The following ITPRID1 variants were observed in gnomAD, a reference collection of about 807,000 sequenced individuals.
ITPRID1 encodes the protein ITPR interacting domain containing 1, also known as protein ITPRID1.
A neutral mutation model predicts 95.4 loss-of-function variants in ITPRID1; 96 were observed. The observed-to-expected ratio is 1.01, with a 90% CI of 0.85 to 1.19. The LOEUF (loss-of-function observed/expected upper bound fraction) is 1.19, where lower values mean the gene tolerates loss of function less well. ITPRID1 is among the 50% of genes most tolerant of loss of function. ITPRID1 has a pLI of 0.00. For missense variants in ITPRID1, 1,339 were observed against 1,252.9 expected (o/e 1.07, Z -1.04); for synonymous variants, 510 against 453.6 (o/e 1.12, Z -1.58).
intron 9 of ITPRID1, 123 bp from the exon 10 acceptor site, chr7:31,583,011 A>T (rs896281253): frequency 6.6e-6 from 4 of 609,770 alleles, no homozygotes; most frequent in African/African-American, 5.6e-5. Context: ...ATTGCAAGTT[A>T]TTTGAGTTCA....
chr7:31,575,723 A>G (rs1785158096), intron 8 of ITPRID1, among the ~76,000 whole-genome samples: 2 of 152,190 alleles, frequency 1.3e-5, no homozygotes, highest in South Asian at 4.1e-4. Flanking sequence ...TCTCAAATAA[A>G]TTCTTTTAAA....
intron 10 of ITPRID1, among the ~76,000 whole-genome samples, chr7:31,608,737 T>A (rs1223650684): frequency 6.6e-6 from 1 of 151,782 alleles, no homozygotes; most frequent in Non-Finnish European, 1.5e-5. Context: ...AATTCATTTA[T>A]TAGTTCTAAT....
intron 10 of ITPRID1, among the ~76,000 whole-genome samples, chr7:31,635,169 G>C (rs1789364105): frequency 6.6e-6 from 1 of 152,160 alleles, no homozygotes. Context: ...TTCTGAGCTA[G>C]GTGATTTCTC....
At chr7:31,624,019 C>T (rs1583625552) in intron 10 of ITPRID1, among the ~76,000 whole-genome samples, 3 of 149,492 alleles carry the variant, frequency 2.0e-5, no homozygotes, top group South Asian at 4.4e-4. Flanking sequence ...CTCCCATTCA[C>T]AATTGCTTCA....
chr7:31,599,612 T>C (rs1327578633), intron 10 of ITPRID1, among the ~76,000 whole-genome samples: 3 of 55,570 alleles, frequency 5.4e-5, no homozygotes, highest in African/African-American at 1.5e-4. Flanking sequence ...TTTCTTTCTT[T>C]CTTTCTTTCT....
chr7:31,514,463 T>C (rs927274006), intron 1 of ITPRID1, among the ~76,000 whole-genome samples: 3 of 152,266 alleles, frequency 2.0e-5, no homozygotes, highest in Middle Eastern at 3.4e-3. Flanking sequence ...GGCCATTTCC[T>C]GGATGGGGGC....
chr7:31,652,236 A>G (rs1209911020), intron 14 of ITPRID1, among the ~76,000 whole-genome samples, 186 bp downstream of exon 14: 1 of 152,212 alleles, frequency 6.6e-6, no homozygotes, highest in Non-Finnish European at 1.5e-5. Flanking sequence ...GTGATTCTGT[A>G]TCAGAATTCA....
At chr7:31,535,510 G>T (rs918667109) in intron 1 of ITPRID1, among the ~76,000 whole-genome samples, 3 of 151,840 alleles carry the variant, frequency 2.0e-5, no homozygotes, top group Non-Finnish European at 2.9e-5. Flanking sequence ...GTGTGTGTGG[G>T]TATATTCCTA....
chr7:31,617,113 G>A (rs969190305), intron 10 of ITPRID1, among the ~76,000 whole-genome samples: 46 of 152,148 alleles, frequency 3.0e-4, no homozygotes, highest in African/African-American at 8.7e-4. Context: ...GGGTGAGCTC[G>A]TCCCGGTATA....
intron 1 of ITPRID1, among the ~76,000 whole-genome samples, chr7:31,523,220 G>A (rs1783322753): frequency 6.6e-6 from 1 of 152,176 alleles, no homozygotes. Flanking sequence ...GCAGACAAAA[G>A]CATTCTAGTC....
intron 10 of ITPRID1, among the ~76,000 whole-genome samples, chr7:31,619,719 C>T (rs1272768498): frequency 2.0e-5 from 3 of 152,056 alleles, no homozygotes; most frequent in South Asian, 2.1e-4. Flanking sequence ...TCTGAGGTAC[C>T]AGTTCCATCT....
intron 5 of ITPRID1, among the ~76,000 whole-genome samples, chr7:31,562,950 C>T (rs1666249532): frequency 6.6e-6 from 1 of 152,116 alleles, no homozygotes; most frequent in African/African-American, 2.4e-5. Context: ...TGGGTTCTAC[C>T]CATGTGGCTC....
chr7:31,517,655 G>C (rs1206591611), intron 1 of ITPRID1: 2 of 152,728 alleles, frequency 1.3e-5, no homozygotes, highest in African/African-American at 4.8e-5. Context: ...CGGCCAGCGA[G>C]GTCCGTGCGC....
chr7:31,619,811 T>A (rs1410293431), intron 10 of ITPRID1, among the ~76,000 whole-genome samples: 2 of 152,136 alleles, frequency 1.3e-5, no homozygotes, highest in Non-Finnish European at 2.9e-5. Flanking sequence ...AGGCATTGCC[T>A]CCCTCGGGAA....
At chr7:31,525,390 A>G (rs1447169118) in intron 1 of ITPRID1, among the ~76,000 whole-genome samples, 1 of 152,196 alleles carries the variant, frequency 6.6e-6, no homozygotes, top group Non-Finnish European at 1.5e-5. Flanking sequence ...ACCAGATACT[A>G]GTAGCATTCT....
chr7:31,565,117 C>T (rs1024927590), intron 5 of ITPRID1, among the ~76,000 whole-genome samples: 18 of 152,182 alleles, frequency 1.2e-4, no homozygotes, highest in African/African-American at 4.3e-4. Flanking sequence ...AGGCTCCCAA[C>T]TGCCTGAGTC....
chr7:31,541,668 A>G (rs1783937337), intron 1 of ITPRID1, among the ~76,000 whole-genome samples: 1 of 152,160 alleles, frequency 6.6e-6, no homozygotes, highest in Admixed American at 6.6e-5. Context: ...ACCATTTTAT[A>G]TGTGACAATG....
intron 10 of ITPRID1, among the ~76,000 whole-genome samples, chr7:31,635,461 C>A (rs1789396466): frequency 6.6e-6 from 1 of 152,220 alleles, no homozygotes; most frequent in African/African-American, 2.4e-5. Context: ...TTGATCTCAT[C>A]ATTCAAGTGA....
intron 10 of ITPRID1, among the ~76,000 whole-genome samples, chr7:31,595,710 T>C (rs534386421): frequency 2.0e-5 from 3 of 152,188 alleles, no homozygotes; most frequent in African/African-American, 7.2e-5. Context: ...AGGTCATCAT[T>C]AATAAAATAA....
Sources: gnomAD v4.1 joint callset for allele counts (sites outside exome capture counted in the v4.1 genomes callset) on GRCh38, gnomAD v4.1.1 for gene constraint, MANE v1.5 for transcripts, NCBI Gene and HGNC (gene_info 2026-07-23, HGNC 2026-07-21) for gene names.